The following DCDC1 variants were observed in gnomAD, a reference collection of about 807,000 sequenced individuals.
The protein encoded by DCDC1 is doublecortin domain-containing protein 1.
DCDC1 carries 200 observed loss-of-function variants against 178.3 expected under a neutral mutation model. The ratio of observed to expected loss-of-function variants is 1.12; its 90% confidence interval spans 1.00 to 1.26. The LOEUF (loss-of-function observed/expected upper bound fraction) is 1.26. DCDC1 is among the 50% of genes most tolerant of loss of function. DCDC1 has a pLI of 0.00. For missense variants in DCDC1, 1,983 were observed against 1,749.2 expected, an observed-to-expected ratio of 1.13 and a Z score of -2.38; for synonymous variants, 690 against 604.8, an observed-to-expected ratio of 1.14 and a Z score of -2.07.
At chr11:30,867,659 A>G (rs1309018847) in intron 38 of DCDC1, among the ~76,000 whole-genome samples, 1 of 152,196 alleles carries the variant, frequency 6.6e-6, no homozygotes, top group Non-Finnish European at 1.5e-5. Flanking sequence ...CCACAAAGTC[A>G]TGCTATGACC....
chr11:30,962,094 A>C (rs1949134709), intron 20 of DCDC1, among the ~76,000 whole-genome samples: 1 of 152,088 alleles, frequency 6.6e-6, no homozygotes, highest in Non-Finnish European at 1.5e-5. Context: ...ATAAATTAAT[A>C]TTTTATGTAA....
At chr11:31,285,928 C>G (rs1411673159) in intron 7 of DCDC1, among the ~76,000 whole-genome samples, 1 of 152,104 alleles carries the variant, frequency 6.6e-6, no homozygotes, top group Non-Finnish European at 1.5e-5. Flanking sequence ...TACACTCATT[C>G]TAATCTAACA....
Position 31,058,133 on chromosome 11 carries a change from C to G in DCDC1, c.2591+6336G>C, listed in dbSNP as rs1402010557. 2.0e-5 allele frequency among the ~76,000 whole-genome samples: 3 copies of G among 152,036 alleles called. No individual in the cohort carries two copies. The East Asian group carries it at 5.8e-4, about 29-fold the overall frequency. On this transcript the variant is annotated intron_variant, in intron 20 of 38. Coordinates refer to ENST00000684477, the MANE Select transcript of DCDC1 (RefSeq NM_001387274.1). ...GAATATATAGATGATATTGACTCAG[C>G]CAGAAAGCCATTGGAATAGTTGGGC... is the stretch of plus-strand genomic sequence containing the variant.
At chr11:31,263,345 G>A (rs755638099) in intron 8 of DCDC1, among the ~76,000 whole-genome samples, 2 of 152,042 alleles carry the variant, frequency 1.3e-5, no homozygotes, top group Non-Finnish European at 2.9e-5. Context: ...TAATGGAAGA[G>A]GAGACAAAAA....
intron 21 of DCDC1, among the ~76,000 whole-genome samples, chr11:30,937,700 C>G (rs1258159214): frequency 6.6e-6 from 1 of 152,148 alleles, no homozygotes; most frequent in Non-Finnish European, 1.5e-5. Context: ...AGTAATTCCT[C>G]AATCGGTTTT....
Position 31,008,463 on chromosome 11 carries a change from G to T in DCDC1, c.2592-55895C>A, listed in dbSNP as rs185744920. Among the ~76,000 whole-genome samples the T allele has an allele frequency of 4.2e-3, 642 of 152,260 alleles. 4 individuals carry two copies. Among genetic ancestry groups the T allele is most frequent in the African/African-American group, 0.015 (618 of 41,546 alleles). On this transcript the variant is annotated intron_variant, in intron 20 of 38. Transcript: ENST00000684477. ...GGAGCAAGTGGGCATGAGTGAGTCA[G>T]GAGCTCATCTGAAGCACCTGTCGCA...
At chr11:30,867,761 C>T (rs1941131696) in intron 38 of DCDC1, among the ~76,000 whole-genome samples, 1 of 152,056 alleles carries the variant, frequency 6.6e-6, no homozygotes, top group Non-Finnish European at 1.5e-5. Flanking sequence ...TAGAAAGGAC[C>T]TACTAAGCAG....
chr11:31,013,355 A>G (rs1423634830), intron 20 of DCDC1, among the ~76,000 whole-genome samples: 1 of 152,218 alleles, frequency 6.6e-6, no homozygotes, highest in African/African-American at 2.4e-5. Flanking sequence ...ATCAAATGAC[A>G]AATTCCATAA....
chr11:30,925,792 C>T (rs985452147), intron 22 of DCDC1, among the ~76,000 whole-genome samples: 2 of 152,232 alleles, frequency 1.3e-5, no homozygotes, highest in East Asian at 3.9e-4. Context: ...GTTCTTTCTC[C>T]TACCTAAAAA....
intron 3 of DCDC1, among the ~76,000 whole-genome samples, chr11:31,323,027 A>G (rs767513265): frequency 6.6e-6 from 1 of 152,182 alleles, no homozygotes; most frequent in Non-Finnish European, 1.5e-5. Context: ...TAAAATATAA[A>G]TTATCTGCTA....
intron 10 of DCDC1, among the ~76,000 whole-genome samples, chr11:31,132,582 TG>T (rs1279358689): frequency 1.3e-5 from 2 of 152,174 alleles, no homozygotes; most frequent in African/African-American, 4.8e-5. Flanking sequence ...CTTGACCTTT[TG>T]TGATCCCAGC....
chr11:31,265,765 G>A (rs1473857282), intron 7 of DCDC1, among the ~76,000 whole-genome samples, 165 bp from the exon 8 acceptor site: 2 of 150,722 alleles, frequency 1.3e-5, no homozygotes, highest in African/African-American at 2.4e-5. Context: ...AGTTAAAATT[G>A]CTACATTGTA....
intron 20 of DCDC1, among the ~76,000 whole-genome samples, chr11:31,007,192 T>C (rs1306034558): frequency 6.6e-6 from 1 of 152,144 alleles, no homozygotes; most frequent in Non-Finnish European, 1.5e-5. Flanking sequence ...AAAGCCACAT[T>C]ATTAAGGAAT....
chr11:31,103,600 G>T, intron 14 of DCDC1, 44 bp downstream of exon 14: 1 of 710,312 alleles, frequency 1.4e-6, no homozygotes, highest in Non-Finnish European at 2.5e-6. Context: ...AAGTGATTTG[G>T]ATTACTTTAA....
chr11:30,931,714 A>G (rs1444617793), intron 22 of DCDC1, 57 bp downstream of exon 22: 1 of 1,483,216 alleles, frequency 6.7e-7, no homozygotes, highest in Non-Finnish European at 9.0e-7. Flanking sequence ...AATTAAGAAC[A>G]CAAAATCTGT....
intron 8 of DCDC1, among the ~76,000 whole-genome samples, chr11:31,242,109 A>G (rs1977227548): frequency 6.6e-6 from 1 of 151,944 alleles, no homozygotes; most frequent in Admixed American, 6.6e-5. Flanking sequence ...TTTTTGTTGC[A>G]TTCCTTAAGT....
At chr11:31,366,569 T>C (rs1475568805) in intron 1 of DCDC1, among the ~76,000 whole-genome samples, 1 of 152,190 alleles carries the variant, frequency 6.6e-6, no homozygotes, top group Non-Finnish European at 1.5e-5. Context: ...GGGATTACTC[T>C]GATAGGAGGA....
At chr11:31,215,686 G>A (rs927724696) in intron 9 of DCDC1, among the ~76,000 whole-genome samples, 6 of 151,800 alleles carry the variant, frequency 4.0e-5, no homozygotes, top group South Asian at 2.1e-4. Flanking sequence ...CTAGCTACTC[G>A]GGAGCCTGAG....
intron 21 of DCDC1, among the ~76,000 whole-genome samples, chr11:30,937,996 G>A (rs1170147743): frequency 2.0e-5 from 3 of 151,984 alleles, no homozygotes; most frequent in East Asian, 1.9e-4. Context: ...ACCAGTTTCC[G>A]GGCTCTGTTC....
Sources: gnomAD v4.1 joint callset for allele counts (sites outside exome capture counted in the v4.1 genomes callset) on GRCh38, gnomAD v4.1.1 for gene constraint, MANE v1.5 for transcripts, NCBI Gene and HGNC (gene_info 2026-07-23, HGNC 2026-07-21) for gene names.